The following PHACTR4 variants were observed in gnomAD, a reference collection of about 807,000 sequenced individuals.
The protein encoded by PHACTR4 is protein phosphatase 1, regulatory subunit 124.
Under a neutral mutation model 72.7 loss-of-function variants are expected in PHACTR4, and 51 were observed. The ratio of observed to expected loss-of-function variants is 0.70; its 90% confidence interval spans 0.56 to 0.89. The LOEUF (loss-of-function observed/expected upper bound fraction) is 0.89. Ranked by LOEUF, PHACTR4 falls within the 40% of genes least tolerant of loss-of-function variation. PHACTR4 has a pLI of 0.00. For synonymous variants in PHACTR4, 255 were observed against 302.5 expected (o/e 0.84, Z 1.63); for missense variants, 731 against 861.8 (o/e 0.85, Z 1.90).
At chr1:28,429,533 G>GGAT (rs1656096288) in intron 2 of PHACTR4, among the ~76,000 whole-genome samples, 1 of 152,136 alleles carries the variant, frequency 6.6e-6, no homozygotes, top group Non-Finnish European at 1.5e-5. Context: ...GTAGAATAGT[G>GGAT]GATGAATAGC....
At chr1:28,381,639 G>A (rs1652178197) in intron 1 of PHACTR4, among the ~76,000 whole-genome samples, 1 of 152,068 alleles carries the variant, frequency 6.6e-6, no homozygotes, top group Non-Finnish European at 1.5e-5. Flanking sequence ...ATCCTGACTG[G>A]TATAAGATGG....
chr1:28,415,905 T>A (rs1445745190), intron 2 of PHACTR4, among the ~76,000 whole-genome samples: 2 of 152,180 alleles, frequency 1.3e-5, no homozygotes, highest in African/African-American at 4.8e-5. Context: ...GTCAATTATT[T>A]TTTTCTTATT....
chr1:28,453,796 C>A (rs1658157680), intron 2 of PHACTR4: 3 of 901,224 alleles, frequency 3.3e-6, no homozygotes, highest in East Asian at 2.6e-5. Context: ...ATTGGTGCGT[C>A]CTGACAAAAA....
chr1:28,425,759 C>T (rs548236815), intron 2 of PHACTR4, among the ~76,000 whole-genome samples: 6 of 152,048 alleles, frequency 3.9e-5, no homozygotes, highest in South Asian at 4.2e-4. Context: ...GAGGGCCAGC[C>T]GAATTAGGAA....
At chr1:28,380,309 G>T (rs1652064294) in intron 1 of PHACTR4, among the ~76,000 whole-genome samples, 1 of 151,836 alleles carries the variant, frequency 6.6e-6, no homozygotes, top group Non-Finnish European at 1.5e-5. Context: ...GCCCGCCTCG[G>T]CCTCCCAAAG....
At chr1:28,495,622 T>C (rs10158271) in intron 13 of PHACTR4, among the ~76,000 whole-genome samples, 1 of 145,892 alleles carries the variant, frequency 6.9e-6, no homozygotes, top group Non-Finnish European at 1.5e-5. Flanking sequence ...TATTTTTTTT[T>C]TTTTTATTTT....
intron 7 of PHACTR4, among the ~76,000 whole-genome samples, chr1:28,474,926 C>T (rs1557840369): frequency 1.3e-5 from 2 of 150,570 alleles, no homozygotes; most frequent in Non-Finnish European, 2.9e-5. Flanking sequence ...TTAATCTTAC[C>T]TTAAAACTTT....
intron 6 of PHACTR4, among the ~76,000 whole-genome samples, chr1:28,471,080 G>A (rs573216041): frequency 1.4e-3 from 218 of 151,912 alleles, no homozygotes; most frequent in African/African-American, 4.9e-3. Context: ...CGGGCAAAGC[G>A]GACATGCCTG....
Position 28,466,362 on chromosome 1 carries a change from C to A in PHACTR4, c.437-20C>A. ...TGTTACTCTCTCTTCCCTTTTTATA[C>A]CATACATGTTATTACACAGGCTCAA... On this transcript the variant is annotated intron_variant, in intron 5 of 13. Transcript: ENST00000373839. The A allele has an allele frequency of 6.3e-7, 1 of 1,593,224 alleles. No homozygotes were observed. Among genetic ancestry groups the A allele is most frequent in the South Asian group, 1.1e-5 (1 of 89,666 alleles).
intron 2 of PHACTR4, among the ~76,000 whole-genome samples, chr1:28,429,822 T>TTAATAACTTA: frequency 1.3e-5 from 2 of 152,328 alleles, no homozygotes; most frequent in Non-Finnish European, 2.9e-5. Context: ...TAACAGAGTA[T>TTAATAACTTA]GATAACTTAG....
intron 1 of PHACTR4, among the ~76,000 whole-genome samples, chr1:28,371,553 C>G (rs1161377716): frequency 6.6e-6 from 1 of 152,084 alleles, no homozygotes; most frequent in Non-Finnish European, 1.5e-5. Flanking sequence ...CCTCGGTCTC[C>G]CAAAGTGCTG....
At chr1:28,463,928 T>C (rs1054065063) in intron 4 of PHACTR4, among the ~76,000 whole-genome samples, 1 of 152,108 alleles carries the variant, frequency 6.6e-6, no homozygotes, top group Non-Finnish European at 1.5e-5. Context: ...GACAGGGTCT[T>C]ACTATGTTTC....
rs1256446133 is a variant in PHACTR4, at chr1:28,395,383, C to T, written c.-38-12027C>T. Among the ~76,000 whole-genome samples the T allele has an allele frequency of 2.6e-5, 4 of 152,138 alleles. 1 individual carries two copies. Among genetic ancestry groups the T allele is most frequent in the Admixed American group, 2.6e-4 (4 of 15,238 alleles). On this transcript the variant is annotated intron_variant, in intron 1 of 13. Coordinates refer to ENST00000373839, the MANE Select transcript of PHACTR4 (RefSeq NM_001048183.3). ...TAAGCATGTTTTCTGAAATTAATGT[C>T]CTTTATAACTCACTAGTGTTATTTT...
chr1:28,381,086 G>A (rs1354917130), intron 1 of PHACTR4, among the ~76,000 whole-genome samples: 2 of 149,856 alleles, frequency 1.3e-5, no homozygotes, highest in Non-Finnish European at 3.0e-5. Flanking sequence ...TCGGCTCACT[G>A]CAGCCTCTGC....
chr1:28,399,254 G>A (rs1012321404), intron 1 of PHACTR4, among the ~76,000 whole-genome samples: 7 of 152,066 alleles, frequency 4.6e-5, no homozygotes, highest in African/African-American at 1.7e-4. Context: ...GGGGGTTATA[G>A]TAAGCCAAGG....
chr1:28,419,050 T>TTTTTTTTTTTTTTTTTG (rs1210043704), intron 2 of PHACTR4, among the ~76,000 whole-genome samples: 14 of 147,212 alleles, frequency 9.5e-5, no homozygotes, highest in African/African-American at 3.4e-4. Flanking sequence ...GATTTTTTTC[T>TTTTTTTTTTTTTTTTTG]AGGGAAGTTT....
intron 7 of PHACTR4, among the ~76,000 whole-genome samples, chr1:28,475,440 C>T (rs1232294119): frequency 6.6e-6 from 1 of 152,108 alleles, no homozygotes; most frequent in East Asian, 1.9e-4. Context: ...CAAATTGCAG[C>T]ACTACCACTC....
At chr1:28,484,707 C>G (rs1039934015) in intron 9 of PHACTR4, among the ~76,000 whole-genome samples, 14 of 151,698 alleles carry the variant, frequency 9.2e-5, no homozygotes, top group African/African-American at 3.4e-4. Context: ...GTGGCTCATG[C>G]CTGTAATCCC....
chr1:28,487,822 C>T (rs752063059), intron 9 of PHACTR4, among the ~76,000 whole-genome samples: 11 of 147,208 alleles, frequency 7.5e-5, no homozygotes, highest in South Asian at 2.1e-4. Context: ...CTGCAACCTC[C>T]ATCTCCCAGG....
Sources: gnomAD v4.1 joint callset for allele counts (sites outside exome capture counted in the v4.1 genomes callset) on GRCh38, gnomAD v4.1.1 for gene constraint, MANE v1.5 for transcripts, NCBI Gene and HGNC (gene_info 2026-07-23, HGNC 2026-07-21) for gene names.